The following ITGB3BP variants were observed in gnomAD, a reference collection of about 807,000 sequenced individuals.
ITGB3BP encodes the protein centromere protein R.
In ITGB3BP, 27 loss-of-function variants were observed where a neutral mutation model predicts 29.1. That is an observed-to-expected ratio of 0.93 (90% CI 0.68 to 1.28). The LOEUF (loss-of-function observed/expected upper bound fraction) is 1.28. Among genes scored for constraint, ITGB3BP ranks in the 50% most tolerant of loss-of-function variants. ITGB3BP has a pLI of 0.00. For synonymous variants in ITGB3BP, 61 were observed against 61.4 expected, an observed-to-expected ratio of 0.99 and a Z score of 0.03; for missense variants, 192 against 200.2, an observed-to-expected ratio of 0.96 and a Z score of 0.25.
At chr1:63,480,851 A>G (rs1645426309) in intron 3 of ITGB3BP, among the ~76,000 whole-genome samples, 1 of 152,148 alleles carries the variant, frequency 6.6e-6, no homozygotes, top group African/African-American at 2.4e-5. Flanking sequence ...GGGGAAAAGA[A>G]TAACAATATA....
intron 2 of ITGB3BP, among the ~76,000 whole-genome samples, chr1:63,494,251 T>C (rs1645733345): frequency 6.6e-6 from 1 of 152,114 alleles, no homozygotes; most frequent in Non-Finnish European, 1.5e-5. Flanking sequence ...GCGAAGTAGC[T>C]GGGATTACAG....
Position 63,446,787 on chromosome 1 carries a change from TAGAA to T in ITGB3BP, c.*1+15_*1+18del. On this transcript the variant is annotated intron_variant, in intron 8 of 8. Transcript: ENST00000271002. ...GAAATTTCACAAGGTTAAACTAAATTAGAAAGGTGAAACAGTACCTCAGTTTAAA... is the reference window on the plus strand; with the variant it reads ...GAAATTTCACAAGGTTAAACTAAATTAGGTGAAACAGTACCTCAGTTTAAA... The T allele has an allele frequency of 6.4e-7, 1 of 1,563,400 alleles. No individual in the cohort carries two copies. The highest frequency in any genetic ancestry group is 1.1e-5 in the South Asian group (1 of 89,714).
At chr1:63,517,193 A>T (rs191250009) in intron 1 of ITGB3BP, among the ~76,000 whole-genome samples, 1 of 152,102 alleles carries the variant, frequency 6.6e-6, no homozygotes, top group East Asian at 1.9e-4. Context: ...AAAAAGAGCA[A>T]AACTTAAAAA....
chr1:63,455,854 G>C lies in ITGB3BP; in HGVS notation c.255-886C>G, dbSNP rs1252750307. The stretch of plus-strand genomic sequence containing the variant: ...AAAATTTTTAGTAGCCACACTAAAA[G>C]GAATAAAAAGGTAAATTTTCTTTAA... On this transcript the variant is annotated intron_variant, in intron 4 of 8. Transcript: ENST00000271002. Among the ~76,000 whole-genome samples, 5 of 148,914 alleles carry C rather than the reference G, an allele frequency of 3.4e-5. No homozygotes were observed. The Admixed American group carries it at 3.4e-4, about 10-fold the overall frequency.
At chr1:63,489,275 A>G (rs1645594927) in intron 3 of ITGB3BP, among the ~76,000 whole-genome samples, 1 of 151,922 alleles carries the variant, frequency 6.6e-6, no homozygotes. Flanking sequence ...GTATATGCTT[A>G]GCACTCATTA....
rs546722110 is a variant in ITGB3BP, at chr1:63,467,381, G to A, written c.254+11383C>T. On this transcript the variant is annotated intron_variant, in intron 4 of 8. Coordinates refer to ENST00000271002, the MANE Select transcript of ITGB3BP (RefSeq NM_014288.5). ...TTTTCTTTTTTTGAGACAGGGTCTC[G>A]CTCTGTCACCCAGGCTAGAGTGCAT... is the stretch of plus-strand genomic sequence containing the variant. 2.7e-5 allele frequency among the ~76,000 whole-genome samples: 4 copies of A among 150,308 alleles called. No homozygotes were observed. The South Asian group carries it at 6.3e-4, about 24-fold the overall frequency.
At chr1:63,505,875 C>G (rs1390270143) in intron 2 of ITGB3BP, among the ~76,000 whole-genome samples, 2 of 152,014 alleles carry the variant, frequency 1.3e-5, no homozygotes, top group South Asian at 2.1e-4. Context: ...TGTGGTCTGA[C>G]AGACAGTTTG....
chr1:63,513,567 GTTAC>G (rs1188795096), intron 1 of ITGB3BP, among the ~76,000 whole-genome samples: 9 of 152,220 alleles, frequency 5.9e-5, no homozygotes, highest in Admixed American at 2.6e-4. Flanking sequence ...TGTGTTCACT[GTTAC>G]TTACGTCATC....
chr1:63,511,692 A>T (rs1382589483), intron 1 of ITGB3BP, among the ~76,000 whole-genome samples: 3 of 152,188 alleles, frequency 2.0e-5, no homozygotes, highest in Non-Finnish European at 4.4e-5. Context: ...CAGTCACAAA[A>T]GGACAAATAT....
rs140568978 is a variant in ITGB3BP, at chr1:63,500,213, A to G, written c.48+8315T>C. Among the ~76,000 whole-genome samples the G allele has an allele frequency of 3.9e-3, 591 of 152,224 alleles. 3 individuals carry two copies. The highest frequency in any genetic ancestry group is 0.014 in the African/African-American group (569 of 41,538). ...GCCAATGTGGTGAAACCCTGTCTCT[A>G]CTAAAAATACAAAATTTAGCTGGGC... is the stretch of plus-strand genomic sequence containing the variant. On this transcript the variant is annotated intron_variant, in intron 2 of 8. Transcript: ENST00000271002.
chr1:63,515,990 T>C lies in ITGB3BP; in HGVS notation c.5+7139A>G, dbSNP rs1646310706. ...AAGTCATGGAATCATCTTGTGTCCA[T>C]CAATGGATGACTGGATAAAGAAATG... On this transcript the variant is annotated intron_variant, in intron 1 of 8. Transcript: ENST00000271002. 2.0e-5 allele frequency among the ~76,000 whole-genome samples: 3 copies of C among 151,122 alleles called. No homozygotes were observed. The South Asian group carries it at 6.3e-4, about 32-fold the overall frequency.
At chr1:63,453,728 TATC>T (rs1384445656) in intron 7 of ITGB3BP, 187 bp downstream of exon 7, 9 of 462,290 alleles carry the variant, frequency 1.9e-5, no homozygotes, top group Middle Eastern at 5.2e-4. Flanking sequence ...TCTCATCAGA[TATC>T]ATCTTCTGCT....
chr1:63,454,473 C>T lies in ITGB3BP; in HGVS notation c.334G>A (p.Ala112Thr). The T allele has an allele frequency of 6.4e-7, 1 of 1,558,720 alleles. No individual in the cohort carries two copies. Among genetic ancestry groups the T allele is most frequent in the South Asian group, 1.1e-5 (1 of 86,982 alleles). Reference sequence around the variant, plus strand: ...TCAAGCTCTCTACTGCCCTCCAAAGCCTACAAGAAAGTCATCTTGAATGAG... The same window carrying T: ...TCAAGCTCTCTACTGCCCTCCAAAGTCTACAAGAAAGTCATCTTGAATGAG... ...EIMQNLSSIQ[A>T]LEGSRELENL... Residue 112 changes from alanine to threonine, a missense_variant and splice_region_variant, in exon 6 of 9, where the codon GCT (alanine) becomes ACT (threonine). Ala to Thr is a moderately conservative substitution (Grantham distance 58). Coordinates refer to ENST00000271002, the MANE Select transcript of ITGB3BP (RefSeq NM_014288.5). This position sits in a 1 kb window ranked among gnomAD's most constrained non-coding sequence, Gnocchi z 4.1.
intron 1 of ITGB3BP, among the ~76,000 whole-genome samples, chr1:63,520,461 T>C (rs1160789214): frequency 6.6e-6 from 1 of 152,180 alleles, no homozygotes; most frequent in African/African-American, 2.4e-5. Flanking sequence ...GGAAGATGAT[T>C]AGCCTAATGA....
chr1:63,510,689 T>C (rs1646181322), intron 1 of ITGB3BP, among the ~76,000 whole-genome samples: 1 of 152,176 alleles, frequency 6.6e-6, no homozygotes. Flanking sequence ...AACTTGCCTA[T>C]TGTCACACAT....
At position 63,454,391 on chromosome 1, in the gene ITGB3BP, G is replaced by T; in HGVS notation, c.416C>A (p.Thr139Asn). 2.5e-6 allele frequency: 4 copies of T among 1,572,414 alleles called. No individual in the cohort carries two copies. The highest frequency in any genetic ancestry group is 3.5e-6 in the Non-Finnish European group (4 of 1,147,176). The change falls in exon 6 of 9, where the codon ACC (threonine) becomes AAC (asparagine). Residue 139 changes from threonine (T) to asparagine (N), a missense_variant. Thr to Asn is a moderately conservative substitution (Grantham distance 65). Coordinates refer to ENST00000271002, the MANE Select transcript of ITGB3BP (RefSeq NM_014288.5). The surrounding 1 kb of genome is among the most constrained non-coding windows in gnomAD (Gnocchi z 4.1). ...TCAAAAATTCTTACTTAGTTCTTTG[G>T]TTTTCTGCATTTCTCTTTTTAAGAA... Reference protein sequence around the residue: ...SHFLKREMQKTKELMTKVNKQ... With the variant: ...SHFLKREMQKNKELMTKVNKQ...
chr1:63,479,209 A>AT (rs990496571), intron 3 of ITGB3BP, among the ~76,000 whole-genome samples: 3 of 151,972 alleles, frequency 2.0e-5, no homozygotes, highest in South Asian at 4.2e-4. Context: ...TTCCACCTTT[A>AT]TTTTTTTTCT....
chr1:63,446,050 AAGCTAG>A (rs1223369518), intron 8 of ITGB3BP, among the ~76,000 whole-genome samples: 3 of 151,990 alleles, frequency 2.0e-5, no homozygotes, highest in African/African-American at 7.2e-5. Context: ...ATTCAGGCGC[AAGCTAG>A]CCGGCTAATT....
chr1:63,500,637 AAAT>A (rs1645904306), intron 2 of ITGB3BP, among the ~76,000 whole-genome samples: 1 of 152,214 alleles, frequency 6.6e-6, no homozygotes, highest in Non-Finnish European at 1.5e-5. Flanking sequence ...AGCGAGATCT[AAAT>A]AAACAGAAAT....
Sources: allele counts gnomAD v4.1 joint callset (sites outside exome capture counted in the v4.1 genomes callset), GRCh38; gene constraint gnomAD v4.1.1; non-coding constraint Gnocchi (gnomAD v3.1); transcripts MANE v1.5; gene names NCBI Gene and HGNC (gene_info 2026-07-23, HGNC 2026-07-21).